The following MCF2L2 variants were observed in gnomAD, a reference collection of about 807,000 sequenced individuals.
The protein encoded by MCF2L2 is MCF.2 cell line derived transforming sequence-like 2, also known as probable guanine nucleotide exchange factor MCF2L2.
A neutral mutation model predicts 150.2 loss-of-function variants in MCF2L2; 102 were observed. The ratio of observed to expected loss-of-function variants is 0.68; its 90% CI spans 0.58 to 0.80. MCF2L2 has a LOEUF of 0.80. Among genes scored for constraint, MCF2L2 ranks in the 30% least tolerant of loss-of-function variants. The pLI, the probability that MCF2L2 is intolerant of heterozygous loss-of-function variation, is 0.00. For missense variants in MCF2L2, 1,256 were observed against 1,372.8 expected (o/e 0.91, Z 1.34); for synonymous variants, 465 against 491.3 (o/e 0.95, Z 0.71).
At chr3:183,262,069 T>TA (rs1560379360) in intron 15 of MCF2L2, among the ~76,000 whole-genome samples, 1 of 147,254 alleles carries the variant, frequency 6.8e-6, no homozygotes, top group South Asian at 2.1e-4. Context: ...TGCATATATA[T>TA]TATATATATA....
chr3:183,385,008 A>T (rs966822569), intron 2 of MCF2L2, among the ~76,000 whole-genome samples: 8 of 152,154 alleles, frequency 5.3e-5, no homozygotes, highest in African/African-American at 1.9e-4. Context: ...CACTAGACAC[A>T]TGTGATTATT....
chr3:183,279,354 A>G (rs1240591212), intron 14 of MCF2L2, among the ~76,000 whole-genome samples: 1 of 152,220 alleles, frequency 6.6e-6, no homozygotes, highest in Non-Finnish European at 1.5e-5. Context: ...ATATTCAAGT[A>G]AAACCTTTCT....
intron 15 of MCF2L2, among the ~76,000 whole-genome samples, chr3:183,254,988 G>T (rs1255738915): frequency 6.6e-6 from 1 of 152,228 alleles, no homozygotes; most frequent in Non-Finnish European, 1.5e-5. Flanking sequence ...TTCTTGGCCG[G>T]TGTTGGTTTT....
intron 17 of MCF2L2, 37 bp downstream of exon 17, chr3:183,229,629 C>T: frequency 1.1e-6 from 1 of 944,560 alleles, no homozygotes; most frequent in Non-Finnish European, 1.7e-6. Context: ...CCTTCTCTTA[C>T]TCTCCATTCT....
At chr3:183,211,153 G>C (rs1239191193) in intron 22 of MCF2L2, among the ~76,000 whole-genome samples, 1 of 152,200 alleles carries the variant, frequency 6.6e-6, no homozygotes, top group African/African-American at 2.4e-5. Context: ...AAGAGGGGGG[G>C]CGAGCAGGCA....
intron 1 of MCF2L2, among the ~76,000 whole-genome samples, chr3:183,408,295 C>T (rs1039472445): frequency 6.6e-6 from 1 of 152,220 alleles, no homozygotes; most frequent in Admixed American, 6.5e-5. Flanking sequence ...TGGGACTCCA[C>T]GAGCGACCTG....
At chr3:183,356,666 C>T (rs1238147623) in intron 3 of MCF2L2, among the ~76,000 whole-genome samples, 1 of 152,142 alleles carries the variant, frequency 6.6e-6, no homozygotes, top group African/African-American at 2.4e-5. Flanking sequence ...AACAGAGCTA[C>T]CCAATTGCAA....
At chr3:183,329,405 T>C (rs1437489990) in intron 5 of MCF2L2, among the ~76,000 whole-genome samples, 1 of 152,198 alleles carries the variant, frequency 6.6e-6, no homozygotes, top group Non-Finnish European at 1.5e-5. Flanking sequence ...CAGGCTGGTC[T>C]CGAACTCCTG....
At chr3:183,361,374 A>C (rs1300218316) in intron 3 of MCF2L2, among the ~76,000 whole-genome samples, 1 of 152,166 alleles carries the variant, frequency 6.6e-6, no homozygotes, top group Non-Finnish European at 1.5e-5. Context: ...CTCATGTGGA[A>C]TTGTAATCCC....
At chr3:183,323,524 G>A (rs969901059) in intron 5 of MCF2L2, among the ~76,000 whole-genome samples, 173 bp from the exon 6 acceptor site, 2 of 151,772 alleles carry the variant, frequency 1.3e-5, no homozygotes, top group African/African-American at 2.4e-5. Context: ...AAGCACAGTC[G>A]CTCATGCCGG....
Position 183,179,162 on chromosome 3 carries a change from A to G in MCF2L2, c.*218T>C. 2.0e-6 allele frequency: 1 copy of G among 494,906 alleles called. No individual in the cohort carries two copies. Among genetic ancestry groups the G allele is most frequent in the Non-Finnish European group, 3.2e-6 (1 of 308,696 alleles). 30.7% of individuals were successfully genotyped at this position (494,906 alleles called of 1,614,324 possible). On this transcript the variant is annotated 3_prime_UTR_variant, in exon 30 of 30. Coordinates refer to ENST00000328913, the MANE Select transcript of MCF2L2 (RefSeq NM_015078.4). The surrounding 1 kb of genome is among the most constrained non-coding windows in gnomAD (Gnocchi z 4.2). ...GGCTGCGGGCTCTGCTCGCCTCTGCAGGCGCCTTAGAGCAGCTCCGAGGTC... is the reference window on the plus strand; with the variant it reads ...GGCTGCGGGCTCTGCTCGCCTCTGCGGGCGCCTTAGAGCAGCTCCGAGGTC...
At chr3:183,355,277 G>C (rs1191462969) in intron 3 of MCF2L2, among the ~76,000 whole-genome samples, 1 of 152,062 alleles carries the variant, frequency 6.6e-6, no homozygotes, top group Non-Finnish European at 1.5e-5. Context: ...CTTGTTGCTT[G>C]TGGATATGAA....
chr3:183,390,486 G>T (rs1416929627), intron 1 of MCF2L2, among the ~76,000 whole-genome samples: 2 of 152,136 alleles, frequency 1.3e-5, no homozygotes, highest in African/African-American at 4.8e-5. Context: ...CCTGTGATTT[G>T]CCCTCATTTC....
At chr3:183,314,115 G>T (rs887476965) in intron 7 of MCF2L2, among the ~76,000 whole-genome samples, 1 of 152,218 alleles carries the variant, frequency 6.6e-6, no homozygotes, top group Non-Finnish European at 1.5e-5. Context: ...TCCCTCAGAT[G>T]AGAGTGAAAT....
rs1472605828 is a variant in MCF2L2 at position 183,267,163 on chromosome 3, AG to A, written c.1862+9708del. Among the ~76,000 whole-genome samples, 4 of 152,268 alleles carry A rather than the reference AG, an allele frequency of 2.6e-5. No individual in the cohort carries two copies. Among genetic ancestry groups the A allele is most frequent in the Non-Finnish European group, 1.5e-5 (1 of 68,030 alleles). On this transcript the variant is annotated intron_variant, in intron 15 of 29. Transcript: ENST00000328913. The surrounding 1 kb of genome is among the most constrained non-coding windows in gnomAD (Gnocchi z 5.5). ...AACACACACACACAGAAAACCCAAA[AG>A]TTTCACAAAATGATTCTTGCTCTTA...
At chr3:183,225,594 G>T (rs1228069442) in intron 18 of MCF2L2, 1 of 152,192 alleles carries the variant, frequency 6.6e-6, no homozygotes, top group Non-Finnish European at 1.5e-5. Flanking sequence ...GATGGTCCAG[G>T]TTCAGTTCTT....
At chr3:183,362,490 G>A (rs1354158126) in intron 3 of MCF2L2, among the ~76,000 whole-genome samples, 1 of 151,942 alleles carries the variant, frequency 6.6e-6, no homozygotes, top group Admixed American at 6.6e-5. Flanking sequence ...AGGAATCAAA[G>A]AGGCATTCTT....
chr3:183,228,748 T>C (rs181926034), intron 17 of MCF2L2, among the ~76,000 whole-genome samples: 1 of 152,292 alleles, frequency 6.6e-6, no homozygotes, highest in East Asian at 1.9e-4. Flanking sequence ...TAGTCATAGA[T>C]AGACTGGATA....
chr3:183,357,349 C>T lies in MCF2L2; in HGVS notation c.276-15719G>A, dbSNP rs559447999. Among the ~76,000 whole-genome samples the T allele has an allele frequency of 2.1e-4, 32 of 152,158 alleles. 1 individual carries two copies. In the Middle Eastern group the frequency reaches 0.01, roughly 49 times the overall value. On this transcript the variant is annotated intron_variant, in intron 3 of 29. Coordinates refer to ENST00000328913, the MANE Select transcript of MCF2L2 (RefSeq NM_015078.4). ...GAGCTCCTGCTACTAGCTTTTGCAG[C>T]GATCTAAGGAGTGCTAAGAGAAGAG... is the stretch of plus-strand genomic sequence containing the variant.
Sources: allele counts gnomAD v4.1 joint callset (sites outside exome capture counted in the v4.1 genomes callset), GRCh38; gene constraint gnomAD v4.1.1; non-coding constraint Gnocchi (gnomAD v3.1); transcripts MANE v1.5; gene names NCBI Gene and HGNC (gene_info 2026-07-23, HGNC 2026-07-21).